MIB1: variants seen among roughly 807,000 people sequenced by gnomAD.
MIB1 encodes the protein MIB E3 ubiquitin protein ligase 1, also known as E3 ubiquitin-protein ligase MIB1.
A neutral mutation model predicts 124.5 loss-of-function variants in MIB1; 278 were observed. The observed-to-expected ratio is 2.23, with a 90% CI of 2.02 to 2.47. The LOEUF (loss-of-function observed/expected upper bound fraction) is 2.47. Among genes scored for constraint, MIB1 ranks in the 30% most tolerant of loss-of-function variants. The pLI, the probability that MIB1 is intolerant of heterozygous loss-of-function variation, is 0.00. For missense variants in MIB1, 957 were observed against 1,254.4 expected (o/e 0.76, Z 3.58); for synonymous variants, 446 against 429.4 (o/e 1.04, Z -0.48).
intron 12 of MIB1, among the ~76,000 whole-genome samples, chr18:21,837,596 A>G (rs1411815461): frequency 2.6e-5 from 4 of 152,082 alleles, no homozygotes; most frequent in African/African-American, 4.8e-5. Context: ...TCCACAACCC[A>G]TTCTCAGACT....
rs796076643 is a variant in MIB1 at position 21,765,017 on chromosome 18, C to T, written c.230-755C>T. Among the ~76,000 whole-genome samples, 20 of 152,136 alleles carry T rather than the reference C, an allele frequency of 1.3e-4. 1 individual carries two copies. Among genetic ancestry groups the T allele is most frequent in the African/African-American group, 4.8e-4 (20 of 41,514 alleles). ...TATTGAACAAGTGATATTAATATAA[C>T]AATAGAATAGTAAAGGAGTATTACC... On this transcript the variant is annotated intron_variant, in intron 1 of 20. Coordinates refer to ENST00000261537, the MANE Select transcript of MIB1 (RefSeq NM_020774.4).
intron 10 of MIB1, among the ~76,000 whole-genome samples, chr18:21,805,204 G>A (rs2041690612): frequency 6.6e-6 from 1 of 151,880 alleles, no homozygotes; most frequent in Non-Finnish European, 1.5e-5. Context: ...GTAGACACAG[G>A]GTTTTGCCAT....
At chr18:21,728,488 C>T (rs2040753050) in intron 1 of MIB1, among the ~76,000 whole-genome samples, 1 of 151,828 alleles carries the variant, frequency 6.6e-6, no homozygotes, top group Admixed American at 6.6e-5. Flanking sequence ...AAAAAAACTC[C>T]GTCTCAAAAA....
At position 21,740,867 on chromosome 18, in the gene MIB1, C is replaced by T. The variant is rs1268955679; in HGVS notation, c.-717C>T. On this transcript the variant is annotated 5_prime_UTR_variant, in exon 1 of 21. Transcript: ENST00000261537. ...CGCGATCGCGCGGCTCTCTGGAAGC[C>T]TTCCCACTCTATTATTGCCGAGGAT... 6.6e-6 allele frequency among the ~76,000 whole-genome samples: 1 copy of T among 152,260 alleles called. No individual in the cohort carries two copies. The highest frequency in any genetic ancestry group is 1.9e-4 in the East Asian group (1 of 5,192).
chr18:21,835,141 T>C lies in MIB1; in HGVS notation c.1830-3224T>C, dbSNP rs1346373587. 2.6e-5 allele frequency among the ~76,000 whole-genome samples: 4 copies of C among 152,336 alleles called. No homozygotes were observed. The South Asian group carries it at 8.3e-4, about 32-fold the overall frequency. Reference sequence around the variant, plus strand: ...TGCTATAATTGATTTCAAGAAAATATTATGTTTAGTCTCATGTTCTTTTAA... The same window carrying C: ...TGCTATAATTGATTTCAAGAAAATACTATGTTTAGTCTCATGTTCTTTTAA... On this transcript the variant is annotated intron_variant, in intron 12 of 20. Transcript: ENST00000261537.
At chr18:21,791,124 G>A (rs1179689534) in intron 6 of MIB1, among the ~76,000 whole-genome samples, 1 of 151,546 alleles carries the variant, frequency 6.6e-6, no homozygotes, top group East Asian at 1.9e-4. Flanking sequence ...GAATCATGCA[G>A]TGAGCCGAGA....
At chr18:21,803,632 T>G (rs1598618952) in intron 9 of MIB1, 1 of 258,666 alleles carries the variant, frequency 3.9e-6, no homozygotes, top group African/African-American at 2.2e-5. Context: ...CTTAACTTAC[T>G]TCCTTTCTTT....
intron 12 of MIB1, chr18:21,830,780 A>G (rs1433155917): frequency 6.6e-6 from 1 of 152,178 alleles, no homozygotes; most frequent in Non-Finnish European, 1.5e-5. Flanking sequence ...TGTATCAGTG[A>G]ACACAGAACC....
chr18:21,788,639 A>G (rs1232199125), intron 6 of MIB1, among the ~76,000 whole-genome samples: 1 of 152,236 alleles, frequency 6.6e-6, no homozygotes, highest in Non-Finnish European at 1.5e-5. Context: ...AGAAAAAGAA[A>G]TAAAAGGAAG....
rs577101696 is a variant in MIB1 at position 21,705,140 on chromosome 18, T to G, written n.167+17T>G. ...GGGTGTCAGGTAAGCGTGCCTTGCA[T>G]TCAAAGATTTGGGGAGTTAATGCCA... On this transcript the variant is annotated intron_variant and non_coding_transcript_variant, in intron 1 of 20. Transcript: ENST00000578646. 38 of 153,372 alleles carry G rather than the reference T, an allele frequency of 2.5e-4. 1 individual carries two copies. Among genetic ancestry groups the G allele is most frequent in the South Asian group, 2.5e-3 (12 of 4,860 alleles). The allele number at this position is 153,372 out of a possible 1,614,324, so 9.5% of individuals were successfully genotyped here. A position where few individuals can be genotyped will look rare whatever the true frequency, so the allele number is the denominator to read the frequency against.
intron 1 of MIB1, among the ~76,000 whole-genome samples, chr18:21,760,386 A>G (rs188741816): frequency 5.6e-4 from 86 of 152,292 alleles, no homozygotes; most frequent in Non-Finnish European, 1.0e-3. Context: ...TTTGAAGTCA[A>G]TTAATTGTAT....
chr18:21,732,504 C>G (rs926110650), intron 1 of MIB1, among the ~76,000 whole-genome samples: 3 of 151,758 alleles, frequency 2.0e-5, no homozygotes, highest in Non-Finnish European at 4.4e-5. Flanking sequence ...TTAAATGATC[C>G]TTCCACCTCA....
chr18:21,849,488 C>G, intron 17 of MIB1, 100 bp downstream of exon 17: 3 of 586,844 alleles, frequency 5.1e-6, no homozygotes, highest in Non-Finnish European at 8.1e-6. Context: ...TGTAATTTTG[C>G]TCTTCCAAAC....
At chr18:21,750,480 A>ACCATGCC (rs1391156856) in intron 1 of MIB1, among the ~76,000 whole-genome samples, 7 of 152,206 alleles carry the variant, frequency 4.6e-5, no homozygotes, top group Non-Finnish European at 8.8e-5. Context: ...GGCGCATGCC[A>ACCATGCC]CCATGCCCCG....
chr18:21,825,902 A>G, intron 12 of MIB1: 4 of 358,666 alleles, frequency 1.1e-5, no homozygotes, highest in South Asian at 6.0e-5. Context: ...ACTGAATGTC[A>G]AATTTTCCAT....
intron 2 of MIB1, among the ~76,000 whole-genome samples, chr18:21,768,328 G>A (rs1386525689): frequency 1.3e-5 from 2 of 152,016 alleles, no homozygotes; most frequent in African/African-American, 2.4e-5. Flanking sequence ...ATAATATAGC[G>A]GTAACTTTCT....
At chr18:21,707,383 T>A (rs999512016) in intron 1 of MIB1, among the ~76,000 whole-genome samples, 2 of 152,092 alleles carry the variant, frequency 1.3e-5, no homozygotes, top group Non-Finnish European at 2.9e-5. Flanking sequence ...ATCAGCAGGA[T>A]GTGGGTGGGG....
chr18:21,741,519 C>G lies in MIB1; in HGVS notation c.-65C>G, dbSNP rs1280005617. 8 of 1,224,856 alleles carry G rather than the reference C, an allele frequency of 6.5e-6. No individual in the cohort carries two copies. Among genetic ancestry groups the G allele is most frequent in the Non-Finnish European group, 7.3e-6 (7 of 961,530 alleles). 75.9% of individuals were successfully genotyped at this position (1,224,856 alleles called of 1,614,324 possible). ...GTCCGGCCCGGGCCCAACTCCCTCA[C>G]GGGCCCCCCGGCGGCAGCGGCGGCG... On this transcript the variant is annotated 5_prime_UTR_variant, in exon 1 of 21. Coordinates refer to ENST00000261537, the MANE Select transcript of MIB1 (RefSeq NM_020774.4). This position sits in a 1 kb window ranked among gnomAD's most constrained non-coding sequence, Gnocchi z 5.4.
rs572777285 is a variant in MIB1, at chr18:21,751,478, C to G, written c.229+9666C>G. The stretch of plus-strand genomic sequence containing the variant: ...GTTTCACCATGTTGGCCAGGCTGGT[C>G]TCTGGAGCTCCTGACCTCAAGTGAT... On this transcript the variant is annotated intron_variant, in intron 1 of 20. Coordinates refer to ENST00000261537, the MANE Select transcript of MIB1 (RefSeq NM_020774.4). 2.6e-4 allele frequency among the ~76,000 whole-genome samples: 39 copies of G among 152,076 alleles called. 1 individual carries two copies. Among genetic ancestry groups the G allele is most frequent in the African/African-American group, 9.2e-4 (38 of 41,484 alleles).
Sources: gnomAD v4.1 joint callset for allele counts (sites outside exome capture counted in the v4.1 genomes callset) on GRCh38, gnomAD v4.1.1 for gene constraint, Gnocchi (gnomAD v3.1) non-coding constraint, MANE v1.5 for transcripts, NCBI Gene and HGNC (gene_info 2026-07-23, HGNC 2026-07-21) for gene names.